The following CIMIP6 variants were observed in gnomAD, a reference collection of about 807,000 sequenced individuals.
CIMIP6 encodes ciliary microtubule inner protein 6.
the CIMIP6 span, chr2:54,330,965 C>T: frequency 1.9e-6 from 3 of 1,613,112 alleles, no homozygotes; most frequent in Non-Finnish European, 2.5e-6. Flanking sequence ...TGCCTGGTGC[C>T]GTAGAGGCCC....
the CIMIP6 span, among the ~76,000 whole-genome samples, chr2:54,372,198 G>T: frequency 7.6e-4 from 116 of 152,272 alleles, 1 homozygote; most frequent in African/African-American, 2.8e-3. Flanking sequence ...TAACTATGCA[G>T]TGGAGCCGAT....
the CIMIP6 span, among the ~76,000 whole-genome samples, chr2:54,333,119 C>G: frequency 1.3e-5 from 2 of 152,110 alleles, no homozygotes; most frequent in Non-Finnish European, 2.9e-5. Flanking sequence ...GACACTTTTC[C>G]TGATGTTGGG....
chr2:54,353,540 T>G, the CIMIP6 span, among the ~76,000 whole-genome samples: 1 of 151,296 alleles, frequency 6.6e-6, no homozygotes, highest in Non-Finnish European at 1.5e-5. Flanking sequence ...AGATTGGGAG[T>G]GGGGGGAGGG....
At chr2:54,344,390 C>A in the CIMIP6 span, among the ~76,000 whole-genome samples, 1 of 152,196 alleles carries the variant, frequency 6.6e-6, no homozygotes, top group African/African-American at 2.4e-5. Flanking sequence ...GAAGGAAGAA[C>A]TTTCTGGAAC....
chr2:54,347,003 G>C, the CIMIP6 span, among the ~76,000 whole-genome samples: 2 of 152,200 alleles, frequency 1.3e-5, no homozygotes, highest in Admixed American at 6.5e-5. Flanking sequence ...TCAGACCAAG[G>C]AGGTAGAGAC....
At chr2:54,353,982 T>G in the CIMIP6 span, among the ~76,000 whole-genome samples, 2 of 152,318 alleles carry the variant, frequency 1.3e-5, no homozygotes, top group East Asian at 3.9e-4. Context: ...GATTTTATAC[T>G]TTTACCTTCC....
chr2:54,360,507 A>T, the CIMIP6 span: 10 of 1,560,860 alleles, frequency 6.4e-6, no homozygotes, highest in East Asian at 1.9e-4. Context: ...ACTGTAGGAG[A>T]TGCTCTTTTC....
the CIMIP6 span, among the ~76,000 whole-genome samples, chr2:54,365,808 T>G: frequency 6.6e-6 from 1 of 152,224 alleles, no homozygotes; most frequent in Non-Finnish European, 1.5e-5. Flanking sequence ...TTCTACAGTT[T>G]AAAATGTCTA....
chr2:54,381,991 T>C, the CIMIP6 span: 1 of 1,532,152 alleles, frequency 6.5e-7, no homozygotes, highest in Non-Finnish European at 8.8e-7. Context: ...TCACAGTAAG[T>C]ATTAGCAGTT....
chr2:54,348,074 A>G, the CIMIP6 span, among the ~76,000 whole-genome samples: 1 of 152,220 alleles, frequency 6.6e-6, no homozygotes, highest in Non-Finnish European at 1.5e-5. Context: ...GGAAATGCAC[A>G]TTGAATTTGC....
At chr2:54,345,417 T>C in the CIMIP6 span, among the ~76,000 whole-genome samples, 2 of 152,236 alleles carry the variant, frequency 1.3e-5, no homozygotes, top group South Asian at 2.1e-4. Flanking sequence ...TTGGTAAGAA[T>C]GATGCTTTCC....
At chr2:54,337,799 A>G in the CIMIP6 span, among the ~76,000 whole-genome samples, 1 of 152,278 alleles carries the variant, frequency 6.6e-6, no homozygotes, top group South Asian at 2.1e-4. Context: ...GAGATGAAAT[A>G]AGAGCTCAGA....
chr2:54,364,354 C>T, the CIMIP6 span, among the ~76,000 whole-genome samples: 5 of 152,028 alleles, frequency 3.3e-5, no homozygotes, highest in African/African-American at 9.7e-5. Flanking sequence ...CAAACAAAAA[C>T]AAAAACCATC....
chr2:54,368,759 G>A, the CIMIP6 span, among the ~76,000 whole-genome samples: 144,435 of 152,234 alleles, frequency 0.95, 68,597 homozygotes, highest in East Asian at 1. Context: ...GGCTCAGGTA[G>A]TTTCCCTGAT....
chr2:54,359,035 T>C, the CIMIP6 span: 1 of 1,552,206 alleles, frequency 6.4e-7, no homozygotes. Context: ...TACATCAATA[T>C]GATGCCAGAA....
chr2:54,351,834 G>A, the CIMIP6 span, among the ~76,000 whole-genome samples: 350 of 152,038 alleles, frequency 2.3e-3, 1 homozygote, highest in Non-Finnish European at 3.7e-3. Flanking sequence ...ATCTTTACAA[G>A]AAAAACTTAA....
chr2:54,330,884 A>C, the CIMIP6 span: 1 of 1,287,788 alleles, frequency 7.8e-7, no homozygotes, highest in Non-Finnish European at 1.1e-6. Context: ...CGCGCGAGTC[A>C]CAGTCGCCGC....
chr2:54,360,529 GC>G, the CIMIP6 span: 2 of 1,518,624 alleles, frequency 1.3e-6, no homozygotes, highest in African/African-American at 2.8e-5. Flanking sequence ...CTAGGCACAA[GC>G]CTTTAAATCC....
the CIMIP6 span, among the ~76,000 whole-genome samples, chr2:54,364,203 C>A: frequency 2.0e-5 from 3 of 152,092 alleles, no homozygotes; most frequent in African/African-American, 7.2e-5. Context: ...GTCATAACTG[C>A]CTGTCAGTAC....
Sources: allele counts gnomAD v4.1 joint callset (sites outside exome capture counted in the v4.1 genomes callset), GRCh38; gene constraint gnomAD v4.1.1; transcripts MANE v1.5; gene names NCBI Gene and HGNC (gene_info 2026-07-23, HGNC 2026-07-21).